Variants in ANKRD10 observed in about 807,000 individuals in gnomAD.
ANKRD10 encodes the protein ankyrin repeat domain 10, also known as ankyrin repeat domain-containing protein 10.
In ANKRD10, 14 loss-of-function variants were observed where a neutral mutation model predicts 27.0. The ratio of observed to expected loss-of-function variants is 0.52; its 90% CI spans 0.34 to 0.81. The LOEUF is 0.81. Among genes scored for constraint, ANKRD10 ranks in the 40% least tolerant of loss-of-function variants. The pLI is 0.01. For missense variants in ANKRD10, 493 were observed against 544.0 expected, an observed-to-expected ratio of 0.91 and a Z score of 0.93; for synonymous variants, 250 against 224.5, an observed-to-expected ratio of 1.11 and a Z score of -1.01.
chr13:110,894,084 AAT>A (rs768539541), intron 3 of ANKRD10: 25 of 1,508,728 alleles, frequency 1.7e-5, no homozygotes, highest in Middle Eastern at 1.7e-4. Context: ...AGCTGAATAA[AAT>A]AGAGTAAGTT....
rs1451322546 is a variant in ANKRD10 at position 110,879,882 on chromosome 13, C to T, written c.1018G>A (p.Ala340Thr). The T allele has an allele frequency of 6.2e-7, 1 of 1,614,212 alleles. No homozygotes were observed. The highest frequency in any genetic ancestry group is 1.1e-5 in the South Asian group (1 of 91,080). Reference sequence around the variant, plus strand: ...AGAGAACCGCACAACTCAGGGTTAGCTCTCAGGGTCTTCTCTGGCTCCTCA... The same window carrying T: ...AGAGAACCGCACAACTCAGGGTTAGTTCTCAGGGTCTTCTCTGGCTCCTCA... ...GTEEPEKTLR[A>T]NPELCGSLHL... is the part of the protein sequence containing the mutation. Residue 340 changes from alanine to threonine, a missense_variant, in exon 6 of 6, where the codon GCT becomes ACT. Physicochemically the swap from Ala to Thr is moderately conservative, Grantham distance 58. Transcript: ENST00000267339.
chr13:110,903,181 T>C (rs547083575), intron 3 of ANKRD10, among the ~76,000 whole-genome samples: 8 of 152,300 alleles, frequency 5.3e-5, no homozygotes, highest in Admixed American at 2.0e-4. Flanking sequence ...CACTCAAATA[T>C]TGGGGGCAGT....
chr13:110,891,816 CCCT>C (rs941255728), intron 4 of ANKRD10, among the ~76,000 whole-genome samples: 9 of 151,812 alleles, frequency 5.9e-5, no homozygotes, highest in Non-Finnish European at 8.8e-5. Flanking sequence ...CCACCTCTCC[CCCT>C]AAGTTCACTA....
chr13:110,910,556 T>TCG lies in ANKRD10; in HGVS notation c.363+61_363+62insCG, dbSNP rs2065666675. 5.7e-6 allele frequency: 9 copies of TCG among 1,592,734 alleles called. No individual in the cohort carries two copies. The Admixed American group carries it at 1.0e-4, about 18-fold the overall frequency. On this transcript the variant is annotated intron_variant, in intron 2 of 5. Coordinates refer to ENST00000267339, the MANE Select transcript of ANKRD10 (RefSeq NM_017664.4). Reference sequence around the variant, plus strand: ...GGCCTCGATTTAAAGCAATACCGTGTATAATTATAACTGCAAAAAGAAAAA... The same window carrying TCG: ...GGCCTCGATTTAAAGCAATACCGTGTCGATAATTATAACTGCAAAAAGAAAAA...
In ANKRD10 at chr13:110,911,321, G is replaced by A. The variant is rs147138094; in HGVS notation, c.211-551C>T. Among the ~76,000 whole-genome samples the A allele has an allele frequency of 2.9e-3, 440 of 151,908 alleles. 24 individuals are homozygous for A. In the East Asian group the frequency reaches 0.071, roughly 25 times the overall value. The stretch of plus-strand genomic sequence containing the variant: ...AAAAAAATTAGCCGGGCGTGGTGGC[G>A]GGCACCTGTAATCCCAGCTACTTGG... On this transcript the variant is annotated intron_variant, in intron 1 of 5. Transcript: ENST00000267339.
intron 3 of ANKRD10, among the ~76,000 whole-genome samples, chr13:110,902,149 A>T (rs7327003): frequency 0.34 from 52,032 of 151,638 alleles, 9,429 homozygotes; most frequent in South Asian, 0.42. Flanking sequence ...CAGAGTCATA[A>T]TTCTGGTAGA....
At chr13:110,903,332 C>T (rs549362441) in intron 3 of ANKRD10, 12 of 150,292 alleles carry the variant, frequency 8.0e-5, no homozygotes, top group East Asian at 1.9e-4. Context: ...TAATCCTGTG[C>T]GTTTTAATTT....
intron 3 of ANKRD10, among the ~76,000 whole-genome samples, chr13:110,896,499 T>C (rs1225159306): frequency 6.6e-6 from 1 of 152,236 alleles, no homozygotes; most frequent in Non-Finnish European, 1.5e-5. Context: ...CCTACATTCA[T>C]CATCTCTACT....
At chr13:110,882,757 G>A (rs1459653361) in intron 5 of ANKRD10, among the ~76,000 whole-genome samples, 2 of 152,268 alleles carry the variant, frequency 1.3e-5, no homozygotes, top group East Asian at 3.9e-4. Flanking sequence ...CCAGAAAGAT[G>A]AACACATTTT....
chr13:110,912,677 A>G (rs2065753168), intron 1 of ANKRD10, among the ~76,000 whole-genome samples: 1 of 152,250 alleles, frequency 6.6e-6, no homozygotes, highest in Non-Finnish European at 1.5e-5. Flanking sequence ...TCTGGCAACA[A>G]ACGAGTCTTA....
chr13:110,880,076 G>A lies in ANKRD10; in HGVS notation c.824C>T (p.Thr275Ile). The change falls in exon 6 of 6, where the codon ACA becomes ATA. Residue 275 changes from threonine to isoleucine, a missense_variant. Transcript: ENST00000267339. Reference sequence around the variant, plus strand: ...ATGTCCATTGATGACACATCCATTTGTCAATGTATTCGATACGGAGCTACT... The same window carrying A: ...ATGTCCATTGATGACACATCCATTTATCAATGTATTCGATACGGAGCTACT... ...KNSSSVSNTLTNGCVINGHLD... is the reference protein window; with the variant it reads ...KNSSSVSNTLINGCVINGHLD... 6.2e-7 allele frequency: 1 copy of A among 1,614,120 alleles called. No individual in the cohort carries two copies. The highest frequency in any genetic ancestry group is 1.1e-5 in the South Asian group (1 of 91,078).
chr13:110,890,916 T>C (rs551452136), intron 4 of ANKRD10, among the ~76,000 whole-genome samples: 9 of 152,242 alleles, frequency 5.9e-5, no homozygotes, highest in Admixed American at 5.2e-4. Flanking sequence ...TTAAACCAAA[T>C]TTATGTAGTT....
chr13:110,903,884 A>G (rs1467179425), intron 3 of ANKRD10: 2 of 152,216 alleles, frequency 1.3e-5, no homozygotes, highest in Non-Finnish European at 1.5e-5. Flanking sequence ...CTTAAAAAAA[A>G]GAAACGGTTA....
chr13:110,878,777 T>C lies in ANKRD10; in HGVS notation c.*860A>G, dbSNP rs757479561. ...TGCAGTTTTATTAAGAGAGTCAAAA[T>C]TCTCTCAGTTAACTGGATATACATA... On this transcript the variant is annotated 3_prime_UTR_variant, in exon 6 of 6. Coordinates refer to ENST00000267339, the MANE Select transcript of ANKRD10 (RefSeq NM_017664.4). 6.6e-6 allele frequency: 1 copy of C among 152,620 alleles called. No individual in the cohort carries two copies. The highest frequency in any genetic ancestry group is 2.4e-5 in the African/African-American group (1 of 41,446). The allele number at this position is 152,620 out of a possible 1,614,324, so 9.5% of individuals were successfully genotyped here. A position where few individuals can be genotyped will look rare whatever the true frequency, so the allele number is the denominator to read the frequency against.
intron 5 of ANKRD10, among the ~76,000 whole-genome samples, chr13:110,881,935 C>T (rs139325779): frequency 2.4e-3 from 363 of 152,302 alleles, no homozygotes; most frequent in African/African-American, 8.1e-3. Context: ...CGACCTCCAA[C>T]GCTCTCCCTT....
intron 4 of ANKRD10, chr13:110,892,586 G>A (rs1393975975): frequency 1.6e-5 from 6 of 364,574 alleles, no homozygotes; most frequent in Non-Finnish European, 1.9e-5. Flanking sequence ...AAATAGTACA[G>A]AAAACATTCA....
chr13:110,907,806 T>C (rs768365044), intron 2 of ANKRD10, among the ~76,000 whole-genome samples: 13 of 151,772 alleles, frequency 8.6e-5, no homozygotes, highest in Non-Finnish European at 1.6e-4. Context: ...CAAATAAAAA[T>C]TACATAAAAA....
chr13:110,883,613 G>T, intron 5 of ANKRD10, 85 bp downstream of exon 5: 1 of 1,572,522 alleles, frequency 6.4e-7, no homozygotes, highest in South Asian at 1.2e-5. Flanking sequence ...TATTTCTTTT[G>T]GTCCAACAGA....
chr13:110,892,508 A>G (rs185889561), intron 4 of ANKRD10, among the ~76,000 whole-genome samples: 88 of 151,130 alleles, frequency 5.8e-4, no homozygotes, highest in African/African-American at 2.1e-3. Context: ...ATTATACACC[A>G]GATCTTGCTG....
Sources: gnomAD v4.1 joint callset for allele counts (sites outside exome capture counted in the v4.1 genomes callset) on GRCh38, gnomAD v4.1.1 for gene constraint, MANE v1.5 for transcripts, NCBI Gene and HGNC (gene_info 2026-07-23, HGNC 2026-07-21) for gene names.